The following LEPROTL1 variants were observed in gnomAD, a reference collection of about 807,000 sequenced individuals.
LEPROTL1 encodes the protein leptin receptor overlapping transcript like 1, also known as leptin receptor overlapping transcript-like 1.
Under a neutral mutation model 15.4 loss-of-function variants are expected in LEPROTL1, and 6 were observed. The observed-to-expected ratio is 0.39, with a 90% CI of 0.21 to 0.77. The LOEUF (loss-of-function observed/expected upper bound fraction) is 0.77. Ranked by LOEUF, LEPROTL1 falls within the 30% of genes least tolerant of loss-of-function variation. The probability of loss-of-function intolerance (pLI) is 0.41; values close to 1 mark genes in which losing one functional copy is unlikely to be tolerated. For synonymous variants in LEPROTL1, 56 were observed against 52.6 expected (o/e 1.06, Z -0.28); for missense variants, 128 against 158.1 (o/e 0.81, Z 1.02).
At chr8:30,115,286 G>A (rs1301399970) in intron 3 of LEPROTL1, among the ~76,000 whole-genome samples, 1 of 151,920 alleles carries the variant, frequency 6.6e-6, no homozygotes, top group Admixed American at 6.6e-5. Context: ...AAGCCCAGGA[G>A]GCAGAGATTG....
In LEPROTL1 at chr8:30,107,326, G is replaced by A; in HGVS notation, c.*1464G>A. 1 of 985,638 alleles carries A rather than the reference G, an allele frequency of 1.0e-6. No homozygotes were observed. Among genetic ancestry groups the A allele is most frequent in the Non-Finnish European group, 1.2e-6 (1 of 829,816 alleles). The allele number at this position is 985,638 out of a possible 1,614,324, so 61.1% of individuals were successfully genotyped here. On this transcript the variant is annotated 3_prime_UTR_variant, in exon 4 of 4. Transcript: ENST00000321250. ...AATTATCAGGACTTTTTTCAGGAGT[G>A]GGTTATAAAAACATTCAAGTTGGTC...
At chr8:30,137,755 CT>C, downstream of LEPROTL1, 1 of 475,516 alleles carries the variant, frequency 2.1e-6, no homozygotes, top group Admixed American at 3.8e-5. Flanking sequence ...AATCACAGAC[CT>C]TTCCCAAAAC....
Position 30,106,084 on chromosome 8 carries a change from T to G in LEPROTL1, c.*222T>G. ...GGAAAAGCTTGACTGATTTCACACTTATCTATAGTATGCTTTTTGTGGTGT... is the reference window on the plus strand; with the variant it reads ...GGAAAAGCTTGACTGATTTCACACTGATCTATAGTATGCTTTTTGTGGTGT... On this transcript the variant is annotated 3_prime_UTR_variant, in exon 4 of 4. Transcript: ENST00000321250. 1 of 1,070,216 alleles carries G rather than the reference T, an allele frequency of 9.3e-7. No individual in the cohort carries two copies. The highest frequency in any genetic ancestry group is 1.1e-6 in the Non-Finnish European group (1 of 883,188). The allele number at this position is 1,070,216 out of a possible 1,614,324, so 66.3% of individuals were successfully genotyped here.
intron 1 of LEPROTL1, among the ~76,000 whole-genome samples, chr8:30,100,473 G>A (rs1802447630): frequency 6.6e-6 from 1 of 151,892 alleles, no homozygotes; most frequent in Admixed American, 6.6e-5. Flanking sequence ...TTTTTGAGAT[G>A]GAGTCTTGCT....
chr8:30,110,563 A>G (rs1370765153), downstream of LEPROTL1, among the ~76,000 whole-genome samples: 1 of 151,972 alleles, frequency 6.6e-6, no homozygotes, highest in Non-Finnish European at 1.5e-5. Context: ...GTGAAACCCC[A>G]TCTCTTCTAA....
chr8:30,135,420 A>G (rs774918623), intron 4 of LEPROTL1, among the ~76,000 whole-genome samples: 1 of 152,224 alleles, frequency 6.6e-6, no homozygotes, highest in Non-Finnish European at 1.5e-5. Context: ...TGAAGAAAAG[A>G]TAGGAAGCTG....
downstream of LEPROTL1, among the ~76,000 whole-genome samples, chr8:30,111,590 C>G (rs375862235): frequency 5.9e-5 from 9 of 152,198 alleles, no homozygotes; most frequent in African/African-American, 2.2e-4. Flanking sequence ...ATGCCGCATT[C>G]CAGGTACTAC....
chr8:30,109,996 T>C (rs1802631514), downstream of LEPROTL1, among the ~76,000 whole-genome samples: 1 of 152,206 alleles, frequency 6.6e-6, no homozygotes. Context: ...GTTGGGGTTA[T>C]TCTGAGCTCA....
chr8:30,095,415 C>T lies in LEPROTL1; in HGVS notation c.-98C>T. The T allele has an allele frequency of 7.9e-7, 1 of 1,262,678 alleles. No individual in the cohort carries two copies. The highest frequency in any genetic ancestry group is 1.1e-6 in the Non-Finnish European group (1 of 941,676). 78.2% of individuals were successfully genotyped at this position (1,262,678 alleles called of 1,614,324 possible). A position where few individuals can be genotyped will look rare whatever the true frequency, so the allele number is the denominator to read the frequency against. On this transcript the variant is annotated 5_prime_UTR_variant, in exon 1 of 4. Coordinates refer to ENST00000321250, the MANE Select transcript of LEPROTL1 (RefSeq NM_015344.3). ...GCGGAAGTGCTGCGTCGCGCACTTC[C>T]GGGTGTTGTCTGGCCGCCGTAGCGC...
At chr8:30,121,323 G>A (rs1054314503) in intron 3 of LEPROTL1, among the ~76,000 whole-genome samples, 3 of 152,008 alleles carry the variant, frequency 2.0e-5, no homozygotes, top group Non-Finnish European at 4.4e-5. Context: ...CTCCATCTTG[G>A]TTCACCACAA....
At chr8:30,132,573 C>T in intron 4 of LEPROTL1, 1 of 1,551,738 alleles carries the variant, frequency 6.4e-7, no homozygotes, top group East Asian at 2.4e-5. Context: ...CTCCTGCATC[C>T]ACCACCCTGC....
chr8:30,129,711 TCACACA>T (rs35105107), intron 3 of LEPROTL1, among the ~76,000 whole-genome samples: 6,461 of 128,312 alleles, frequency 0.05, 365 homozygotes, highest in African/African-American at 0.13. Context: ...TGAGACCCTG[TCACACA>T]CACACACACA....
chr8:30,103,840 A>T lies in LEPROTL1; in HGVS notation c.93-460A>T, dbSNP rs532046925. On this transcript the variant is annotated intron_variant, in intron 2 of 3. Transcript: ENST00000321250. Reference sequence around the variant, plus strand: ...CATGATACCTATTTTATTCTATGGTAGTTTTAAGGGCATCTATTTCTTTTT... The same window carrying T: ...CATGATACCTATTTTATTCTATGGTTGTTTTAAGGGCATCTATTTCTTTTT... Among the ~76,000 whole-genome samples the T allele has an allele frequency of 1.2e-4, 19 of 152,120 alleles. No individual in the cohort carries two copies. The South Asian group carries it at 3.7e-3, about 30-fold the overall frequency.
At chr8:30,111,176 A>G (rs1802648992), downstream of LEPROTL1, among the ~76,000 whole-genome samples, 1 of 152,222 alleles carries the variant, frequency 6.6e-6, no homozygotes, top group South Asian at 2.1e-4. Flanking sequence ...TAAATCATCA[A>G]CTTCCAAAAC....
At chr8:30,097,729 A>AC (rs1563212167) in intron 1 of LEPROTL1, among the ~76,000 whole-genome samples, 38 of 149,808 alleles carry the variant, frequency 2.5e-4, no homozygotes, top group African/African-American at 8.5e-4. Context: ...ACACACACAT[A>AC]TTTAGTATTT....
chr8:30,098,565 T>C (rs564082390), intron 1 of LEPROTL1, among the ~76,000 whole-genome samples: 1 of 152,374 alleles, frequency 6.6e-6, no homozygotes, highest in Admixed American at 6.5e-5. Flanking sequence ...GTAGTATTTA[T>C]AGTAATGGAC....
intron 3 of LEPROTL1, chr8:30,117,852 G>A: frequency 1.7e-6 from 1 of 604,912 alleles, no homozygotes; most frequent in Non-Finnish European, 2.9e-6. Flanking sequence ...AAATCTGAAA[G>A]TTAGCAGAAG....
rs1208198947 is a variant in LEPROTL1, at chr8:30,107,696, T to C, written c.*1834T>C. On this transcript the variant is annotated 3_prime_UTR_variant, in exon 4 of 4. Transcript: ENST00000321250. ...TTCAAGAGGAAGGTGCAGGTACACA[T>C]GAGTTAGAGAGCTGGTGAGACAGTT... 2.0e-6 allele frequency: 2 copies of C among 985,392 alleles called. No individual in the cohort carries two copies. Among genetic ancestry groups the C allele is most frequent in the Non-Finnish European group, 2.4e-6 (2 of 829,940 alleles). 61.0% of individuals were successfully genotyped at this position (985,392 alleles called of 1,614,324 possible). A position where few individuals can be genotyped will look rare whatever the true frequency, so the allele number is the denominator to read the frequency against.
intron 4 of LEPROTL1, among the ~76,000 whole-genome samples, chr8:30,134,162 C>G (rs1803089041): frequency 6.6e-6 from 1 of 152,110 alleles, no homozygotes; most frequent in Non-Finnish European, 1.5e-5. Flanking sequence ...TGGTGGCTCA[C>G]GCCTGTAATC....
Sources: allele counts gnomAD v4.1 joint callset (sites outside exome capture counted in the v4.1 genomes callset), GRCh38; gene constraint gnomAD v4.1.1; transcripts MANE v1.5; gene names NCBI Gene and HGNC (gene_info 2026-07-23, HGNC 2026-07-21).